GRAMD1B: variants seen among roughly 807,000 people sequenced by gnomAD.
GRAMD1B encodes GRAM domain containing 1B.
GRAMD1B carries 37 observed loss-of-function variants against 99.7 expected under a neutral mutation model. The ratio of observed to expected loss-of-function variants is 0.37; its 90% CI spans 0.29 to 0.49. The LOEUF (loss-of-function observed/expected upper bound fraction) is 0.49, where lower values mean the gene tolerates loss of function less well. Ranked by LOEUF, GRAMD1B falls within the 20% of genes least tolerant of loss-of-function variation. The probability of loss-of-function intolerance (pLI) is 0.98; values close to 1 mark genes in which losing one functional copy is unlikely to be tolerated. For missense variants in GRAMD1B, 888 were observed against 1,009.2 expected (o/e 0.88, Z 1.63); for synonymous variants, 427 against 387.6 (o/e 1.10, Z -1.19).
intron 1 of GRAMD1B, among the ~76,000 whole-genome samples, chr11:123,410,766 AG>A (rs1948018983): frequency 6.6e-6 from 1 of 152,150 alleles, no homozygotes; most frequent in Non-Finnish European, 1.5e-5. Context: ...GCTGTGCTAG[AG>A]TGAAGAGAGC....
At position 123,430,796 on chromosome 11, in the gene GRAMD1B, C is replaced by A; in HGVS notation, c.4C>A (p.Pro2Thr). The A allele has an allele frequency of 1.5e-6, 1 of 677,406 alleles. No individual in the cohort carries two copies. The highest frequency in any genetic ancestry group is 1.6e-5 in the South Asian group (1 of 63,260). 42.0% of individuals were successfully genotyped at this position (677,406 alleles called of 1,614,324 possible). The change falls in exon 1 of 20, where the codon CCG becomes ACG. Residue 2 changes from proline to threonine, a missense_variant. Coordinates refer to ENST00000635736, the MANE Select transcript of GRAMD1B (RefSeq NM_001387025.1). Reference sequence around the variant, plus strand: ...GAGCGCAGAGGCGACGGCCCCCATGCCGGCGGCCAACATGATGGAGAACCG... The same window carrying A: ...GAGCGCAGAGGCGACGGCCCCCATGACGGCGGCCAACATGATGGAGAACCG... M[P>T]AANMMENRPL...
intron 12 of GRAMD1B, among the ~76,000 whole-genome samples, 184 bp downstream of exon 12, chr11:123,608,986 G>T (rs902876334): frequency 8.6e-5 from 13 of 151,950 alleles, no homozygotes; most frequent in African/African-American, 3.1e-4. Flanking sequence ...AGGCCCTGTT[G>T]CCCTCCCTTT....
chr11:123,400,566 G>A (rs1161346981), intron 1 of GRAMD1B, among the ~76,000 whole-genome samples: 1 of 152,136 alleles, frequency 6.6e-6, no homozygotes, highest in Non-Finnish European at 1.5e-5. Context: ...CAGATTTGAT[G>A]TCTGGTGAGG....
At chr11:123,565,831 G>A (rs1947306445) in intron 2 of GRAMD1B, among the ~76,000 whole-genome samples, 1 of 152,204 alleles carries the variant, frequency 6.6e-6, no homozygotes, top group Non-Finnish European at 1.5e-5. Context: ...TCCCCTAAAT[G>A]TTAGGCGTTT....
At chr11:123,526,305 G>T (rs1942736100) in intron 2 of GRAMD1B, 2 of 756,100 alleles carry the variant, frequency 2.6e-6, no homozygotes, top group Non-Finnish European at 4.6e-6. Context: ...TGGGGACTAG[G>T]CACTTTAAAA....
chr11:123,378,704 T>A (rs1258195827), intron 1 of GRAMD1B, among the ~76,000 whole-genome samples: 2 of 152,220 alleles, frequency 1.3e-5, no homozygotes, highest in Non-Finnish European at 2.9e-5. Context: ...TTGAGTGTTA[T>A]GCAGAAAGAT....
At chr11:123,601,345 A>T (rs1050903515) in intron 8 of GRAMD1B, among the ~76,000 whole-genome samples, 2 of 151,956 alleles carry the variant, frequency 1.3e-5, no homozygotes, top group Non-Finnish European at 1.5e-5. Context: ...TGATTGCGCC[A>T]CTGCATTCCA....
chr11:123,428,264 G>A (rs974661446), upstream of GRAMD1B, among the ~76,000 whole-genome samples: 10 of 152,330 alleles, frequency 6.6e-5, no homozygotes, highest in East Asian at 1.7e-3. Flanking sequence ...AAACTCTGTG[G>A]AACTTGGCTT....
intron 3 of GRAMD1B, among the ~76,000 whole-genome samples, chr11:123,582,490 G>T (rs201050052): frequency 6.6e-6 from 1 of 152,206 alleles, no homozygotes; most frequent in East Asian, 1.9e-4. Context: ...GATGGACCGT[G>T]GTGACAGGTT....
chr11:123,386,433 T>C (rs1457335262), intron 1 of GRAMD1B, among the ~76,000 whole-genome samples: 2 of 114,046 alleles, frequency 1.8e-5, no homozygotes, highest in South Asian at 3.1e-4. Context: ...ACTCACAATA[T>C]ACTTTTTTTT....
intron 15 of GRAMD1B, 33 bp from the exon 16 acceptor site, chr11:123,613,422 T>C: frequency 6.8e-7 from 1 of 1,480,524 alleles, no homozygotes; most frequent in Non-Finnish European, 9.3e-7. Flanking sequence ...GGGCTGAAGG[T>C]GGCCTCTCCT....
At chr11:123,407,214 C>A (rs554906544) in intron 1 of GRAMD1B, among the ~76,000 whole-genome samples, 2 of 152,198 alleles carry the variant, frequency 1.3e-5, no homozygotes, top group East Asian at 3.9e-4. Flanking sequence ...ATCTGAAAAT[C>A]CCAAACAAAT....
chr11:123,552,610 G>A (rs566006390), intron 2 of GRAMD1B, among the ~76,000 whole-genome samples: 9 of 152,220 alleles, frequency 5.9e-5, no homozygotes, highest in African/African-American at 7.2e-5. Context: ...AAATGTAATC[G>A]GGTTGAGTTA....
intron 1 of GRAMD1B, chr11:123,454,729 A>G (rs1950035292): frequency 6.6e-6 from 1 of 152,220 alleles, no homozygotes; most frequent in Admixed American, 6.5e-5. Context: ...AATGAGTGAC[A>G]GTGGGTTATA....
At chr11:123,403,861 A>T (rs1439330626) in intron 1 of GRAMD1B, among the ~76,000 whole-genome samples, 3 of 152,068 alleles carry the variant, frequency 2.0e-5, no homozygotes, top group Non-Finnish European at 4.4e-5. Context: ...CATTAGTTTT[A>T]TCACCCAACC....
intron 11 of GRAMD1B, among the ~76,000 whole-genome samples, chr11:123,607,220 C>T (rs1952865434): frequency 6.6e-6 from 1 of 152,126 alleles, no homozygotes; most frequent in Non-Finnish European, 1.5e-5. Flanking sequence ...GTATTTAGGC[C>T]CAGCTAGAAG....
chr11:123,593,805 T>C (rs898993251), intron 4 of GRAMD1B, among the ~76,000 whole-genome samples: 1 of 152,012 alleles, frequency 6.6e-6, no homozygotes, highest in Admixed American at 6.5e-5. Context: ...CTCCTTCCTT[T>C]CTCTTACGGG....
intron 2 of GRAMD1B, chr11:123,560,535 C>T: frequency 8.1e-7 from 1 of 1,234,634 alleles, no homozygotes; most frequent in Non-Finnish European, 1.1e-6. Flanking sequence ...GAGGTGAGTG[C>T]CCTCCAGCCT....
chr11:123,385,402 T>C (rs1947022026), intron 1 of GRAMD1B, among the ~76,000 whole-genome samples: 1 of 152,192 alleles, frequency 6.6e-6, no homozygotes, highest in African/African-American at 2.4e-5. Context: ...CCGTCATTAG[T>C]TTCCTGGTGC....
Sources: allele counts gnomAD v4.1 joint callset (sites outside exome capture counted in the v4.1 genomes callset), GRCh38; gene constraint gnomAD v4.1.1; transcripts MANE v1.5; gene names NCBI Gene and HGNC (gene_info 2026-07-23, HGNC 2026-07-21).